Variants in ZBTB43 observed in about 807,000 individuals in gnomAD.
ZBTB43 encodes the protein zinc finger and BTB domain containing 43, also known as zinc finger and BTB domain-containing protein 43.
ZBTB43 carries 6 observed loss-of-function variants against 31.1 expected under a neutral mutation model. The ratio of observed to expected loss-of-function variants is 0.19; its 90% CI spans 0.11 to 0.38. ZBTB43 has a LOEUF of 0.38. Ranked by LOEUF, ZBTB43 falls within the 10% of genes least tolerant of loss-of-function variation. The pLI, the probability that ZBTB43 is intolerant of heterozygous loss-of-function variation, is 1.00. For synonymous variants in ZBTB43, 212 were observed against 221.7 expected (o/e 0.96, Z 0.39); for missense variants, 379 against 602.1 (o/e 0.63, Z 3.88).
At chr9:126,823,095 C>G (rs1202026089) in intron 2 of ZBTB43, among the ~76,000 whole-genome samples, 1 of 152,028 alleles carries the variant, frequency 6.6e-6, no homozygotes, top group African/African-American at 2.4e-5. Flanking sequence ...CTGAGGTATG[C>G]CTGTATATGT....
At chr9:126,807,621 C>CTTGTTT (rs905815548) in intron 1 of ZBTB43, among the ~76,000 whole-genome samples, 1 of 151,432 alleles carries the variant, frequency 6.6e-6, no homozygotes, top group Admixed American at 6.6e-5. Context: ...CTTTTTTTTT[C>CTTGTTT]TTGTTTTTGT....
chr9:126,818,638 C>G (rs1364399564), intron 2 of ZBTB43, among the ~76,000 whole-genome samples: 1 of 152,022 alleles, frequency 6.6e-6, no homozygotes, highest in Non-Finnish European at 1.5e-5. Flanking sequence ...GTTTTTTTCC[C>G]CTTCATTCTG....
intron 2 of ZBTB43, among the ~76,000 whole-genome samples, chr9:126,825,425 G>A (rs2032609327): frequency 6.6e-6 from 1 of 152,134 alleles, no homozygotes; most frequent in African/African-American, 2.4e-5. Context: ...TACAGGCTGG[G>A]TGGCTTAAAC....
intron 1 of ZBTB43, among the ~76,000 whole-genome samples, chr9:126,805,994 A>C (rs900164639): frequency 6.6e-6 from 1 of 152,196 alleles, no homozygotes; most frequent in Non-Finnish European, 1.5e-5. Flanking sequence ...GTCGCCCAAC[A>C]TAAGTGTCAG....
At position 126,833,085 on chromosome 9, in the gene ZBTB43, C is replaced by T. The variant is rs761069765; in HGVS notation, c.576C>T (p.His192=). The change falls in exon 3 of 3, where the codon CAC becomes CAT. Residue 192 remains histidine (H), a synonymous_variant. Coordinates refer to ENST00000373464, the MANE Select transcript of ZBTB43 (RefSeq NM_014007.4). This position sits in a 1 kb window ranked among gnomAD's most constrained non-coding sequence, Gnocchi z 7.9. ...KDELSSQLTE[H]EYLPSNSSTE... is the part of the protein sequence containing the mutation. The stretch of plus-strand genomic sequence containing the variant: ...AGCTGTCATCCCAGCTCACCGAGCA[C>T]GAATACCTGCCCAGCAACTCGTCCA... The T allele has an allele frequency of 1.4e-4, 220 of 1,613,946 alleles. 1 individual carries two copies. Among genetic ancestry groups the T allele is most frequent in the Admixed American group, 4.5e-4 (27 of 60,006 alleles).
At chr9:126,827,607 G>C (rs1430433202) in intron 2 of ZBTB43, among the ~76,000 whole-genome samples, 1 of 152,210 alleles carries the variant, frequency 6.6e-6, no homozygotes, top group East Asian at 1.9e-4. Flanking sequence ...GATTGTATTG[G>C]TGGAGGAACC....
intron 2 of ZBTB43, among the ~76,000 whole-genome samples, chr9:126,817,510 C>CT (rs2032414706): frequency 6.7e-6 from 1 of 149,552 alleles, no homozygotes. Context: ...GAGTCTCGCT[C>CT]TGTCACCCAG....
chr9:126,828,649 A>G (rs2032700276), intron 2 of ZBTB43, among the ~76,000 whole-genome samples: 1 of 142,022 alleles, frequency 7.0e-6, no homozygotes, highest in Non-Finnish European at 1.5e-5. Flanking sequence ...AATAATAATA[A>G]TAATAATTAT....
In ZBTB43 at chr9:126,834,977, CTA is replaced by C. The variant is rs1189225382; in HGVS notation, c.*1066_*1067del. ...AGTGAGAGGGCAGATAGGCAGGATT[CTA>C]TGAGTGGTTATACTTAAGGGGGACA... On this transcript the variant is annotated 3_prime_UTR_variant, in exon 3 of 3. Transcript: ENST00000373464. 6.0e-6 allele frequency: 1 copy of C among 167,006 alleles called. No homozygotes were observed. The highest frequency in any genetic ancestry group is 1.5e-5 in the Non-Finnish European group (1 of 68,134). The allele number at this position is 167,006 out of a possible 1,614,324, so 10.3% of individuals were successfully genotyped here.
intron 2 of ZBTB43, among the ~76,000 whole-genome samples, chr9:126,826,451 C>G (rs1005544745): frequency 8.0e-6 from 1 of 125,702 alleles, no homozygotes; most frequent in Non-Finnish European, 1.6e-5. Flanking sequence ...CTGGCCCCCC[C>G]GCCTTTTTTT....
chr9:126,817,520 G>C (rs944318622), intron 2 of ZBTB43, among the ~76,000 whole-genome samples: 10 of 150,386 alleles, frequency 6.6e-5, no homozygotes, highest in Admixed American at 5.3e-4. Flanking sequence ...CTGTCACCCA[G>C]GCTGGAGTGC....
At position 126,837,433 on chromosome 9, in the gene ZBTB43, C is replaced by G. The variant is rs1013618058; in HGVS notation, c.*3520C>G. The G allele has an allele frequency of 6.0e-6, 1 of 167,154 alleles. No homozygotes were observed. The highest frequency in any genetic ancestry group is 1.5e-5 in the Non-Finnish European group (1 of 68,184). 10.4% of individuals were successfully genotyped at this position (167,154 alleles called of 1,614,324 possible). On this transcript the variant is annotated 3_prime_UTR_variant, in exon 3 of 3. Coordinates refer to ENST00000373464, the MANE Select transcript of ZBTB43 (RefSeq NM_014007.4). ...GGAAAGCTGCTTAGCCTCCAGGGCT[C>G]CCTCCTTGAGAGGCTCACACACCCC...
chr9:126,828,642 A>ATT (rs1554742714), intron 2 of ZBTB43, among the ~76,000 whole-genome samples: 27 of 126,624 alleles, frequency 2.1e-4, no homozygotes, highest in African/African-American at 8.2e-4. Flanking sequence ...TAATAATAAT[A>ATT]ATAATAATAA....
intron 2 of ZBTB43, among the ~76,000 whole-genome samples, chr9:126,819,453 T>C (rs1364710832): frequency 6.6e-6 from 1 of 152,120 alleles, no homozygotes; most frequent in Non-Finnish European, 1.5e-5. Flanking sequence ...GTTATGGTGA[T>C]CTTTGATCAG....
rs1318869135 is a variant in ZBTB43, at chr9:126,832,523, C to A, written c.14C>A (p.Thr5Lys). The A allele has an allele frequency of 1.2e-6, 2 of 1,605,902 alleles. No individual in the cohort carries two copies. The highest frequency in any genetic ancestry group is 1.7e-4 in the Middle Eastern group (1 of 6,036). Reference sequence around the variant, plus strand: ...ATTTGTGATGAAATGGAGCCTGGAACAAACTCTTTTCGGGTAGAATTTCCT... The same window carrying A: ...ATTTGTGATGAAATGGAGCCTGGAAAAAACTCTTTTCGGGTAGAATTTCCT... Reference protein sequence around the residue: MEPGTNSFRVEFPDF... With the variant: MEPGKNSFRVEFPDF... The change falls in exon 3 of 3, where the codon ACA becomes AAA. Residue 5 changes from threonine (T) to lysine (K), a missense_variant. Thr to Lys is a moderately conservative substitution (Grantham distance 78). This residue lies in a region of ZBTB43 where 79 missense variants were observed against 134.4 expected (regional missense o/e 0.59). Transcript: ENST00000373464.
chr9:126,829,692 G>T (rs974312438), intron 2 of ZBTB43, among the ~76,000 whole-genome samples: 1 of 59,036 alleles, frequency 1.7e-5, no homozygotes, highest in African/African-American at 6.1e-5. Context: ...TGATGGGAGA[G>T]ATTTTTTTTT....
chr9:126,819,279 A>ATTTTTTTTTTTT (rs71377975), intron 2 of ZBTB43, among the ~76,000 whole-genome samples: 1 of 100,196 alleles, frequency 1.0e-5, no homozygotes, highest in African/African-American at 3.8e-5. Context: ...CGGATATTGC[A>ATTTTTTTTTTTT]TTTTTTTTTT....
chr9:126,822,159 A>ATTT (rs773251812), intron 2 of ZBTB43, among the ~76,000 whole-genome samples: 3 of 117,942 alleles, frequency 2.5e-5, no homozygotes, highest in Non-Finnish European at 1.8e-5. Context: ...CTCGGCCGAG[A>ATTT]TTTTTTTTTT....
chr9:126,808,319 A>G (rs2032171796), intron 1 of ZBTB43, among the ~76,000 whole-genome samples: 2 of 152,250 alleles, frequency 1.3e-5, no homozygotes, highest in Middle Eastern at 3.2e-3. Flanking sequence ...TCATGAATCA[A>G]ACTTCATAAA....
Sources: allele counts gnomAD v4.1 joint callset (sites outside exome capture counted in the v4.1 genomes callset), GRCh38; gene constraint gnomAD v4.1.1; regional missense constraint gnomAD v4.1.1; non-coding constraint Gnocchi (gnomAD v3.1); transcripts MANE v1.5; gene names NCBI Gene and HGNC (gene_info 2026-07-23, HGNC 2026-07-21).